TENM3: variants seen among roughly 807,000 people sequenced by gnomAD.
The protein encoded by TENM3 is teneurin-3.
Under a neutral mutation model 255.1 loss-of-function variants are expected in TENM3, and 63 were observed. That is an observed-to-expected ratio of 0.25 (90% confidence interval 0.20 to 0.30). The LOEUF is 0.30. Ranked by LOEUF, TENM3 falls within the 10% of genes least tolerant of loss-of-function variation. The pLI, the probability that TENM3 is intolerant of heterozygous loss-of-function variation, is 1.00. For missense variants in TENM3, 2,929 were observed against 3,461.1 expected (o/e 0.85, Z 3.86); for synonymous variants, 1,306 against 1,322.3 (o/e 0.99, Z 0.27).
chr4:182,612,685 T>G (rs1174096235), intron 4 of TENM3, among the ~76,000 whole-genome samples: 1 of 152,120 alleles, frequency 6.6e-6, no homozygotes, highest in East Asian at 1.9e-4. Context: ...CTTCTAACCT[T>G]TGACAAGTTC....
chr4:181,905,534 CTT>C, the TENM3 span, among the ~76,000 whole-genome samples: 8,525 of 131,924 alleles, frequency 0.065, 333 homozygotes, highest in Non-Finnish European at 0.097. Context: ...ATGAGCTGAG[CTT>C]TTTTTTTTTT....
At chr4:182,209,189 A>G (rs1483601595) in intron 1 of TENM3, among the ~76,000 whole-genome samples, 3 of 151,364 alleles carry the variant, frequency 2.0e-5, no homozygotes, top group African/African-American at 7.3e-5. Flanking sequence ...GCTGGTCTCG[A>G]ACTCCTGACC....
In TENM3 at chr4:182,289,479, C is replaced by T. The variant is rs115353968; in HGVS notation, c.-75-34467C>T. Among the ~76,000 whole-genome samples, 1,051 of 152,290 alleles carry T rather than the reference C, an allele frequency of 6.9e-3. 12 individuals are homozygous for T. The highest frequency in any genetic ancestry group is 0.023 in the African/African-American group (972 of 41,558). ...TCTGCAGGGACACATGTATACTTGT[C>T]GCAGTTGTCCTGTACACATGCCCCA... On this transcript the variant is annotated intron_variant, in intron 1 of 27. Transcript: ENST00000511685.
At chr4:182,478,042 A>G (rs997503389) in intron 3 of TENM3, among the ~76,000 whole-genome samples, 1 of 152,156 alleles carries the variant, frequency 6.6e-6, no homozygotes, top group African/African-American at 2.4e-5. Flanking sequence ...CAACTGTAAA[A>G]TGTCTTTCAG....
the TENM3 span, among the ~76,000 whole-genome samples, chr4:181,727,549 T>C: frequency 1.3e-5 from 2 of 152,254 alleles, no homozygotes; most frequent in African/African-American, 4.8e-5. Context: ...AATGTAATAC[T>C]ATCTCATTCA....
the TENM3 span, among the ~76,000 whole-genome samples, chr4:182,113,464 T>A: frequency 6.6e-6 from 1 of 152,196 alleles, no homozygotes; most frequent in Non-Finnish European, 1.5e-5. Context: ...CCTTCTATCC[T>A]TCCTCTCTAT....
At position 182,793,535 on chromosome 4, in the gene TENM3, G is replaced by T. The variant is rs1292511019; in HGVS notation, c.6863G>T (p.Ser2288Ile). The change falls in exon 26 of 28, where the codon AGT (serine) becomes ATT (isoleucine). Residue 2288 changes from serine to isoleucine, a missense_variant. Transcript: ENST00000511685. This position sits in a 1 kb window ranked among gnomAD's most constrained non-coding sequence, Gnocchi z 5.7. ...CATCTTTTTGCCATGGAAATCAGCA[G>T]TGGGGATGAATTCTATATTGCATCG... ...QGHLFAMEIS[S>I]GDEFYIASDN... 1 of 1,613,866 alleles carries T rather than the reference G, an allele frequency of 6.2e-7. No individual in the cohort carries two copies. Among genetic ancestry groups the T allele is most frequent in the Non-Finnish European group, 8.5e-7 (1 of 1,179,868 alleles).
At chr4:182,198,856 T>A (rs1753995500) in intron 1 of TENM3, among the ~76,000 whole-genome samples, 1 of 151,906 alleles carries the variant, frequency 6.6e-6, no homozygotes, top group African/African-American at 2.4e-5. Flanking sequence ...AAGACACAAG[T>A]GGAAATGAGG....
chr4:182,082,446 T>A, the TENM3 span, among the ~76,000 whole-genome samples: 1 of 152,220 alleles, frequency 6.6e-6, no homozygotes, highest in African/African-American at 2.4e-5. Flanking sequence ...ATAATGTACA[T>A]TCATGTACTC....
the TENM3 span, among the ~76,000 whole-genome samples, chr4:181,506,312 C>T: frequency 6.6e-6 from 1 of 151,832 alleles, no homozygotes; most frequent in African/African-American, 2.4e-5. Flanking sequence ...AAGAAAAATC[C>T]ACTTTGAATA....
intron 5 of TENM3, among the ~76,000 whole-genome samples, chr4:182,635,444 A>T (rs184361197): frequency 1.3e-5 from 2 of 152,298 alleles, no homozygotes; most frequent in Admixed American, 1.3e-4. Context: ...CCCAACACCC[A>T]GTCAATACCC....
At chr4:182,292,973 C>G (rs1761219371) in intron 1 of TENM3, among the ~76,000 whole-genome samples, 1 of 152,166 alleles carries the variant, frequency 6.6e-6, no homozygotes. Flanking sequence ...TGGGAGCGGG[C>G]ATGGTGCCGT....
chr4:182,081,059 C>G, the TENM3 span, among the ~76,000 whole-genome samples: 1 of 152,102 alleles, frequency 6.6e-6, no homozygotes, highest in South Asian at 2.1e-4. Flanking sequence ...GGAGACTTCA[C>G]TGTGCCTCAG....
intron 4 of TENM3, among the ~76,000 whole-genome samples, chr4:182,615,740 AAAG>A (rs1213408415): frequency 6.6e-6 from 1 of 152,124 alleles, no homozygotes; most frequent in Non-Finnish European, 1.5e-5. Context: ...GAAAAAAAAA[AAAG>A]AGTGAGATGA....
the TENM3 span, among the ~76,000 whole-genome samples, chr4:181,858,562 A>G: frequency 6.6e-6 from 1 of 152,204 alleles, no homozygotes; most frequent in East Asian, 1.9e-4. Flanking sequence ...TCCTGCTCTC[A>G]TGGAGCTTGA....
At chr4:181,892,102 A>G in the TENM3 span, among the ~76,000 whole-genome samples, 1 of 152,200 alleles carries the variant, frequency 6.6e-6, no homozygotes, top group African/African-American at 2.4e-5. Context: ...ACTGTGAAAA[A>G]TAAATTTCTA....
the TENM3 span, among the ~76,000 whole-genome samples, chr4:181,533,210 C>T: frequency 6.6e-6 from 1 of 152,082 alleles, no homozygotes; most frequent in African/African-American, 2.4e-5. Flanking sequence ...AAATGTAACC[C>T]TTATGGTTTA....
chr4:181,525,360 A>T, the TENM3 span, among the ~76,000 whole-genome samples: 1 of 147,792 alleles, frequency 6.8e-6, no homozygotes, highest in Non-Finnish European at 1.5e-5. Flanking sequence ...TCACGCCACT[A>T]CACTCCAGCC....
chr4:181,581,406 C>A, the TENM3 span, among the ~76,000 whole-genome samples: 2 of 151,776 alleles, frequency 1.3e-5, no homozygotes, highest in East Asian at 1.9e-4. Flanking sequence ...GTGCCACTGC[C>A]CTCCAGCCTG....
Sources: gnomAD v4.1 joint callset for allele counts (sites outside exome capture counted in the v4.1 genomes callset) on GRCh38, gnomAD v4.1.1 for gene constraint, Gnocchi (gnomAD v3.1) non-coding constraint, MANE v1.5 for transcripts, NCBI Gene and HGNC (gene_info 2026-07-23, HGNC 2026-07-21) for gene names.